The following NTM variants were observed in gnomAD, a reference collection of about 807,000 sequenced individuals.
NTM encodes neurotrimin.
In NTM, 13 loss-of-function variants were observed where a neutral mutation model predicts 42.1. The ratio of observed to expected loss-of-function variants is 0.31; its 90% CI spans 0.20 to 0.49. The LOEUF (loss-of-function observed/expected upper bound fraction) is 0.49. NTM is among the 20% of genes least tolerant of loss of function. The pLI, the probability that NTM is intolerant of heterozygous loss-of-function variation, is 0.99. For synonymous variants in NTM, 187 were observed against 179.2 expected (o/e 1.04, Z -0.35); for missense variants, 373 against 452.8 (o/e 0.82, Z 1.60).
chr11:131,749,585 GT>G (rs577216650), intron 1 of NTM, among the ~76,000 whole-genome samples: 1 of 152,024 alleles, frequency 6.6e-6, no homozygotes, highest in Non-Finnish European at 1.5e-5. Context: ...CATTGTCACT[GT>G]TTTTTTGTTT....
At chr11:131,450,395 A>G (rs1043594189) in intron 1 of NTM, among the ~76,000 whole-genome samples, 2 of 152,176 alleles carry the variant, frequency 1.3e-5, no homozygotes, top group African/African-American at 2.4e-5. Context: ...TACCCTTGAC[A>G]GTTCCTTGCA....
chr11:131,595,983 T>C (rs2059781159), intron 1 of NTM, among the ~76,000 whole-genome samples: 1 of 152,248 alleles, frequency 6.6e-6, no homozygotes, highest in African/African-American at 2.4e-5. Context: ...CTAGGTCCTA[T>C]TGCAGTCACC....
intron 1 of NTM, among the ~76,000 whole-genome samples, chr11:131,531,828 T>A (rs2051322084): frequency 6.6e-6 from 1 of 152,162 alleles, no homozygotes; most frequent in Non-Finnish European, 1.5e-5. Context: ...AACTGAAGCT[T>A]CTGCAATAAG....
At chr11:131,747,291 T>C (rs1253785067) in intron 1 of NTM, among the ~76,000 whole-genome samples, 1 of 152,138 alleles carries the variant, frequency 6.6e-6, no homozygotes, top group Admixed American at 6.6e-5. Context: ...CACCCAAGCT[T>C]AGCATCTCTT....
intron 7 of NTM, among the ~76,000 whole-genome samples, chr11:132,319,829 G>T: frequency 6.6e-6 from 1 of 152,312 alleles, no homozygotes; most frequent in Middle Eastern, 3.4e-3. Flanking sequence ...CCTCCAGTGG[G>T]TCCCTGACCC....
intron 1 of NTM, among the ~76,000 whole-genome samples, chr11:131,619,358 C>T (rs994006991): frequency 6.6e-6 from 1 of 152,198 alleles, no homozygotes; most frequent in African/African-American, 2.4e-5. Context: ...ATGTAAAACA[C>T]TTGACACAGT....
intron 2 of NTM, among the ~76,000 whole-genome samples, chr11:132,020,710 C>T (rs2074206704): frequency 6.6e-6 from 1 of 152,060 alleles, no homozygotes; most frequent in Non-Finnish European, 1.5e-5. Context: ...TATATGTTAT[C>T]CCATTGCCTT....
intron 3 of NTM, among the ~76,000 whole-genome samples, chr11:132,150,295 A>G (rs1003486028): frequency 6.6e-6 from 1 of 152,114 alleles, no homozygotes; most frequent in Non-Finnish European, 1.5e-5. Context: ...CCATGGCCAG[A>G]CATCTCCCAT....
At chr11:131,435,384 A>G (rs1342691985) in intron 1 of NTM, among the ~76,000 whole-genome samples, 2 of 152,214 alleles carry the variant, frequency 1.3e-5, no homozygotes, top group Non-Finnish European at 2.9e-5. Flanking sequence ...CTTGGGCAGT[A>G]TGGCCATTTT....
At chr11:132,112,646 C>T (rs944767129) in intron 2 of NTM, among the ~76,000 whole-genome samples, 3 of 151,858 alleles carry the variant, frequency 2.0e-5, no homozygotes, top group African/African-American at 4.8e-5. Context: ...GACGTCCCCC[C>T]GGGCTCTCAG....
At chr11:131,572,420 G>C (rs770938797) in intron 1 of NTM, among the ~76,000 whole-genome samples, 14 of 152,086 alleles carry the variant, frequency 9.2e-5, no homozygotes, top group Non-Finnish European at 2.1e-4. Flanking sequence ...TGGACCATCC[G>C]TGACTCCTGT....
At chr11:131,519,204 T>A (rs370646535) in intron 1 of NTM, among the ~76,000 whole-genome samples, 116 of 152,316 alleles carry the variant, frequency 7.6e-4, no homozygotes, top group African/African-American at 2.6e-3. Flanking sequence ...TCTCTCTTAT[T>A]CCCTTCCACT....
intron 1 of NTM, among the ~76,000 whole-genome samples, chr11:131,670,929 G>T (rs546628200): frequency 6.6e-6 from 1 of 152,216 alleles, no homozygotes; most frequent in African/African-American, 2.4e-5. Flanking sequence ...GGCCCAGGAG[G>T]CTCCCAGGGA....
chr11:131,480,453 C>T (rs1338567770), intron 1 of NTM, among the ~76,000 whole-genome samples: 2 of 152,170 alleles, frequency 1.3e-5, no homozygotes, highest in Non-Finnish European at 2.9e-5. Flanking sequence ...CCTTGACTTC[C>T]TCCCTCTGAG....
At chr11:132,088,215 G>A (rs868810043) in intron 2 of NTM, among the ~76,000 whole-genome samples, 53 of 152,170 alleles carry the variant, frequency 3.5e-4, no homozygotes, top group African/African-American at 1.2e-3. Context: ...TTGGATTGAG[G>A]CCAACATTCC....
chr11:131,928,082 AC>A (rs1474725655), intron 2 of NTM, among the ~76,000 whole-genome samples: 1 of 152,002 alleles, frequency 6.6e-6, no homozygotes, highest in East Asian at 1.9e-4. Flanking sequence ...ATATCTTAAT[AC>A]CTACCTGACA....
At chr11:131,871,255 C>A (rs1007597151) in intron 1 of NTM, among the ~76,000 whole-genome samples, 1 of 152,196 alleles carries the variant, frequency 6.6e-6, no homozygotes, top group Non-Finnish European at 1.5e-5. Flanking sequence ...TGCTCAGTCG[C>A]CCAGCCCAGG....
At chr11:131,541,795 T>C (rs2053298604) in intron 1 of NTM, among the ~76,000 whole-genome samples, 1 of 152,216 alleles carries the variant, frequency 6.6e-6, no homozygotes, top group South Asian at 2.1e-4. Context: ...AGATAACATA[T>C]TTAAGACTTT....
At chr11:131,471,668 G>A (rs1952454709) in intron 1 of NTM, among the ~76,000 whole-genome samples, 1 of 152,174 alleles carries the variant, frequency 6.6e-6, no homozygotes, top group African/African-American at 2.4e-5. Flanking sequence ...CTGATTATGA[G>A]AATATCTGCA....
Sources: gnomAD v4.1 joint callset for allele counts (sites outside exome capture counted in the v4.1 genomes callset) on GRCh38, gnomAD v4.1.1 for gene constraint, MANE v1.5 for transcripts, NCBI Gene and HGNC (gene_info 2026-07-23, HGNC 2026-07-21) for gene names.